ATG10: variants seen among roughly 807,000 people sequenced by gnomAD.
The protein encoded by ATG10 is autophagy related 10.
Under a neutral mutation model 32.1 loss-of-function variants are expected in ATG10, and 30 were observed. The ratio of observed to expected loss-of-function variants is 0.94; its 90% confidence interval spans 0.70 to 1.27. The LOEUF (loss-of-function observed/expected upper bound fraction) is 1.27, where lower values mean the gene tolerates loss of function less well. Ranked by LOEUF, ATG10 falls within the 50% of genes most tolerant of loss-of-function variation. The pLI is 0.00. For synonymous variants in ATG10, 87 were observed against 91.5 expected, an observed-to-expected ratio of 0.95 and a Z score of 0.28; for missense variants, 233 against 262.3, an observed-to-expected ratio of 0.89 and a Z score of 0.77.
chr5:82,018,874 T>G (rs1205834743), intron 2 of ATG10, among the ~76,000 whole-genome samples: 1 of 152,248 alleles, frequency 6.6e-6, no homozygotes, highest in Non-Finnish European at 1.5e-5. Context: ...CTGCTTTTTT[T>G]CATACTGCTA....
intron 5 of ATG10, among the ~76,000 whole-genome samples, chr5:82,222,069 G>T (rs1415086220): frequency 1.3e-5 from 2 of 152,198 alleles, no homozygotes; most frequent in African/African-American, 4.8e-5. Flanking sequence ...AATGTCTGAT[G>T]GTTTGAAGAG....
intron 5 of ATG10, among the ~76,000 whole-genome samples, chr5:82,213,627 T>C (rs148308302): frequency 1.3e-5 from 2 of 152,316 alleles, no homozygotes; most frequent in East Asian, 3.9e-4. Context: ...GAGTTAAATC[T>C]ATCTTAAAGG....
intron 5 of ATG10, among the ~76,000 whole-genome samples, chr5:82,225,058 A>AT (rs35497019): frequency 6.6e-6 from 1 of 152,196 alleles, no homozygotes; most frequent in Non-Finnish European, 1.5e-5. Context: ...TTTCTTCAAT[A>AT]TTTTTGGTGC....
intron 2 of ATG10, among the ~76,000 whole-genome samples, chr5:82,031,897 T>C (rs1762752204): frequency 6.6e-6 from 1 of 152,244 alleles, no homozygotes; most frequent in Non-Finnish European, 1.5e-5. Context: ...TTGGCAACAC[T>C]GTATGGAAAG....
At chr5:82,095,403 T>TA (rs1484696034) in intron 3 of ATG10, among the ~76,000 whole-genome samples, 1 of 152,134 alleles carries the variant, frequency 6.6e-6, no homozygotes, top group Non-Finnish European at 1.5e-5. Flanking sequence ...ATAGGGTATT[T>TA]AAAAAAATTG....
intron 5 of ATG10, among the ~76,000 whole-genome samples, chr5:82,234,974 G>C (rs1012022377): frequency 1.3e-5 from 2 of 152,200 alleles, no homozygotes; most frequent in East Asian, 3.8e-4. Context: ...TGTTTGTGCT[G>C]TTCCACTTTA....
intron 5 of ATG10, among the ~76,000 whole-genome samples, chr5:82,245,672 G>C (rs1747000457): frequency 6.6e-6 from 1 of 152,070 alleles, no homozygotes. Flanking sequence ...TCACATAAAG[G>C]AAACTTGTTA....
chr5:82,108,481 A>C (rs184936264), intron 3 of ATG10, among the ~76,000 whole-genome samples: 1 of 151,974 alleles, frequency 6.6e-6, no homozygotes, highest in East Asian at 1.9e-4. Flanking sequence ...TATGTATAAC[A>C]TGTGTATATA....
chr5:82,069,917 A>G (rs1159898130), intron 3 of ATG10, among the ~76,000 whole-genome samples: 1 of 152,170 alleles, frequency 6.6e-6, no homozygotes. Context: ...TGTTTTAACA[A>G]TATTGTTTTT....
At chr5:82,048,918 G>A (rs1046413713) in intron 2 of ATG10, among the ~76,000 whole-genome samples, 20 of 151,864 alleles carry the variant, frequency 1.3e-4, no homozygotes, top group Admixed American at 2.6e-4. Flanking sequence ...GAGAGGATGT[G>A]GAGAAATAGG....
At chr5:82,227,402 GATCT>G (rs1355290798) in intron 5 of ATG10, among the ~76,000 whole-genome samples, 10 of 151,546 alleles carry the variant, frequency 6.6e-5, no homozygotes, top group East Asian at 1.9e-4. Context: ...TTTGAGATAG[GATCT>G]ATCTGTCATC....
intron 3 of ATG10, among the ~76,000 whole-genome samples, chr5:82,091,266 T>C (rs1336310924): frequency 1.3e-5 from 2 of 152,144 alleles, no homozygotes; most frequent in Non-Finnish European, 2.9e-5. Context: ...GATGGTATCT[T>C]TCTGTGTTGT....
At chr5:81,991,654 G>A (rs1242055690) in intron 2 of ATG10, among the ~76,000 whole-genome samples, 1 of 152,046 alleles carries the variant, frequency 6.6e-6, no homozygotes, top group Non-Finnish European at 1.5e-5. Flanking sequence ...AATTAGCCGA[G>A]TGTGGTGGTG....
At chr5:82,176,374 C>T (rs997178219) in intron 4 of ATG10, among the ~76,000 whole-genome samples, 1 of 152,260 alleles carries the variant, frequency 6.6e-6, no homozygotes, top group East Asian at 1.9e-4. Context: ...TTCGTAAGAC[C>T]TTGGCTGCCC....
intron 3 of ATG10, among the ~76,000 whole-genome samples, chr5:82,141,683 A>C (rs1020665391): frequency 3.9e-5 from 6 of 152,136 alleles, no homozygotes; most frequent in Non-Finnish European, 7.4e-5. Flanking sequence ...TGAGTATATA[A>C]AATTTATACG....
chr5:82,225,636 C>T (rs1746099441), intron 5 of ATG10, among the ~76,000 whole-genome samples: 1 of 152,212 alleles, frequency 6.6e-6, no homozygotes, highest in Admixed American at 6.5e-5. Flanking sequence ...ATGGCCTCTG[C>T]TGCCTTAACC....
chr5:82,186,017 G>A (rs377372040), intron 5 of ATG10, among the ~76,000 whole-genome samples: 1 of 152,232 alleles, frequency 6.6e-6, no homozygotes, highest in East Asian at 1.9e-4. Flanking sequence ...TTTCCTGATG[G>A]CTGATAATGA....
At chr5:82,081,752 C>T (rs994276980) in intron 3 of ATG10, among the ~76,000 whole-genome samples, 11 of 152,100 alleles carry the variant, frequency 7.2e-5, no homozygotes, top group Non-Finnish European at 1.2e-4. Flanking sequence ...CTGCTGGATT[C>T]GGTTTGCCAG....
intron 2 of ATG10, among the ~76,000 whole-genome samples, chr5:82,001,088 G>A (rs576313914): frequency 6.6e-6 from 1 of 152,258 alleles, no homozygotes; most frequent in East Asian, 1.9e-4. Flanking sequence ...AGGTAAATGA[G>A]CTCTACCATG....
Sources: allele counts gnomAD v4.1 joint callset (sites outside exome capture counted in the v4.1 genomes callset), GRCh38; gene constraint gnomAD v4.1.1; transcripts MANE v1.5; gene names NCBI Gene and HGNC (gene_info 2026-07-23, HGNC 2026-07-21).